The following OR2L3 variants were observed in gnomAD, a reference collection of about 807,000 sequenced individuals.
OR2L3 encodes the protein olfactory receptor family 2 subfamily L member 3, also known as olfactory receptor 2L3.
For synonymous variants in OR2L3, 131 were observed against 139.1 expected (o/e 0.94, Z 0.41); for missense variants, 369 against 376.6 (o/e 0.98, Z 0.17).
intron 1 of OR2L3, among the ~76,000 whole-genome samples, chr1:248,053,987 T>C (rs756958030): frequency 2.0e-5 from 3 of 152,212 alleles, no homozygotes; most frequent in Non-Finnish European, 2.9e-5. Flanking sequence ...CAATTTTTGC[T>C]ATTGTTGCAA....
At chr1:248,057,064 G>A (rs1302109267) in intron 1 of OR2L3, among the ~76,000 whole-genome samples, 3 of 152,020 alleles carry the variant, frequency 2.0e-5, no homozygotes, top group East Asian at 3.9e-4. Flanking sequence ...CCAATTATGC[G>A]ATAGTTTTAG....
At position 248,061,448 on chromosome 1, in the gene OR2L3, A is replaced by G. The variant is rs1663637732; in HGVS notation, c.767A>G (p.Tyr256Cys). The change falls in exon 2 of 2, where the codon TAC (tyrosine) becomes TGC (cysteine). Residue 256 changes from tyrosine to cysteine, a missense_variant. Physicochemically the swap from Tyr to Cys is radical, Grantham distance 194. Transcript: ENST00000359959. The part of the protein sequence containing the change: ...VVTFYYAPFV[Y>C]TYLRPRSLRS... Reference sequence around the variant, plus strand: ...ACTTTCTACTATGCACCTTTTGTCTACACTTATCTACGTCCAAGATCCCTG... The same window carrying G: ...ACTTTCTACTATGCACCTTTTGTCTGCACTTATCTACGTCCAAGATCCCTG... 1 of 1,613,994 alleles carries G rather than the reference A, an allele frequency of 6.2e-7. No individual in the cohort carries two copies. Among genetic ancestry groups the G allele is most frequent in the Non-Finnish European group, 8.5e-7 (1 of 1,179,986 alleles).
chr1:248,049,781 C>T (rs1663196094), intron 1 of OR2L3, among the ~76,000 whole-genome samples: 1 of 151,838 alleles, frequency 6.6e-6, no homozygotes, highest in Admixed American at 6.6e-5. Context: ...AAAACTGAAC[C>T]AGCCTTATTT....
Position 248,061,794 on chromosome 1 carries a change from C to A in OR2L3, c.*174C>A. On this transcript the variant is annotated 3_prime_UTR_variant, in exon 2 of 2. Transcript: ENST00000359959. ...TTACATATATATGTATATATAACTCCAAACAACCTTTTTTCTTCATGGCAT... is the reference window on the plus strand; with the variant it reads ...TTACATATATATGTATATATAACTCAAAACAACCTTTTTTCTTCATGGCAT... The A allele has an allele frequency of 2.1e-6, 1 of 484,046 alleles. No individual in the cohort carries two copies. The allele number at this position is 484,046 out of a possible 1,614,324, so 30.0% of individuals were successfully genotyped here.
intron 1 of OR2L3, among the ~76,000 whole-genome samples, chr1:248,057,166 A>T (rs1241463057): frequency 6.6e-6 from 1 of 152,168 alleles, no homozygotes; most frequent in African/African-American, 2.4e-5. Flanking sequence ...CACATGATCT[A>T]GAGCTGAGTT....
Position 248,061,308 on chromosome 1 carries a change from C to T in OR2L3, c.627C>T (p.Pro209=). The T allele has an allele frequency of 2.5e-6, 4 of 1,613,304 alleles. No individual in the cohort carries two copies. Among genetic ancestry groups the T allele is most frequent in the Non-Finnish European group, 3.4e-6 (4 of 1,179,786 alleles). ...FLSTTIFLVF[P]FIAISCSYGR... ...GCACCACCATCTTTCTCGTGTTTCC[C>T]TTCATTGCTATTTCATGTTCCTATG... Residue 209 remains proline, a synonymous_variant, in exon 2 of 2, where the codon CCC becomes CCT. Transcript: ENST00000359959.
At chr1:248,055,031 A>C (rs1304232752) in intron 1 of OR2L3, among the ~76,000 whole-genome samples, 2 of 152,220 alleles carry the variant, frequency 1.3e-5, no homozygotes, top group Non-Finnish European at 2.9e-5. Context: ...TTCAAAGGGA[A>C]TGCTTCCAGT....
At chr1:248,049,796 T>C (rs771857767) in intron 1 of OR2L3, among the ~76,000 whole-genome samples, 3 of 152,176 alleles carry the variant, frequency 2.0e-5, no homozygotes, top group Non-Finnish European at 4.4e-5. Context: ...TTATTTCAGA[T>C]TTACTGCCAA....
chr1:248,050,733 T>A (rs1663237742), intron 1 of OR2L3, among the ~76,000 whole-genome samples: 1 of 152,186 alleles, frequency 6.6e-6, no homozygotes, highest in African/African-American at 2.4e-5. Context: ...CAATTTCAAA[T>A]ATTACATATT....
At chr1:248,054,456 T>A (rs1663368812) in intron 1 of OR2L3, among the ~76,000 whole-genome samples, 3 of 152,108 alleles carry the variant, frequency 2.0e-5, no homozygotes, top group Admixed American at 2.0e-4. Flanking sequence ...TTTAAAATAG[T>A]TCTTTTTTTC....
At chr1:248,049,193 C>T (rs980487374) in intron 1 of OR2L3, among the ~76,000 whole-genome samples, 9 of 152,162 alleles carry the variant, frequency 5.9e-5, no homozygotes, top group African/African-American at 2.2e-4. Context: ...TCTTGTGATT[C>T]AGTTTTTCTT....
At chr1:248,048,381 A>T (rs114761611) in intron 1 of OR2L3, among the ~76,000 whole-genome samples, 1 of 152,214 alleles carries the variant, frequency 6.6e-6, no homozygotes, top group South Asian at 2.1e-4. Context: ...CAAATACAAC[A>T]TTATGTACTG....
At chr1:248,055,925 T>C (rs1663419516) in intron 1 of OR2L3, 3 of 152,230 alleles carry the variant, frequency 2.0e-5, no homozygotes, top group African/African-American at 7.2e-5. Context: ...TGGTAAGCTA[T>C]TTATTATTGC....
intron 1 of OR2L3, among the ~76,000 whole-genome samples, chr1:248,058,784 C>T (rs916629416): frequency 6.6e-6 from 1 of 151,824 alleles, no homozygotes; most frequent in Non-Finnish European, 1.5e-5. Context: ...ATATGCATTT[C>T]TAAGAAAGTC....
chr1:248,056,743 G>A (rs1663446166), intron 1 of OR2L3, among the ~76,000 whole-genome samples: 1 of 150,382 alleles, frequency 6.6e-6, no homozygotes, highest in African/African-American at 2.5e-5. Flanking sequence ...TGCCTCCTGG[G>A]TTCAAGCAAT....
chr1:248,052,016 A>G (rs1385808476), intron 1 of OR2L3, among the ~76,000 whole-genome samples: 2 of 152,176 alleles, frequency 1.3e-5, no homozygotes, highest in Non-Finnish European at 2.9e-5. Context: ...TGCAGATATT[A>G]AATGCATTTT....
chr1:248,058,474 C>T (rs891802952), intron 1 of OR2L3, among the ~76,000 whole-genome samples: 45 of 152,182 alleles, frequency 3.0e-4, no homozygotes, highest in Middle Eastern at 3.4e-3. Context: ...AACATCATTT[C>T]ATCTTATGGA....
intron 1 of OR2L3, among the ~76,000 whole-genome samples, chr1:248,055,276 AG>A (rs1219563180): frequency 3.3e-5 from 5 of 152,206 alleles, no homozygotes; most frequent in Non-Finnish European, 7.3e-5. Flanking sequence ...GCTTGCATCC[AG>A]GGGATGAAGC....
At chr1:248,058,270 A>G (rs527491215) in intron 1 of OR2L3, among the ~76,000 whole-genome samples, 11 of 152,304 alleles carry the variant, frequency 7.2e-5, no homozygotes, top group African/African-American at 2.6e-4. Context: ...ATATTTGTCC[A>G]TGTATTTTCA....
Sources: gnomAD v4.1 joint callset for allele counts (sites outside exome capture counted in the v4.1 genomes callset) on GRCh38, gnomAD v4.1.1 for gene constraint, MANE v1.5 for transcripts, NCBI Gene and HGNC (gene_info 2026-07-23, HGNC 2026-07-21) for gene names.